Variants in SLC38A7 observed in about 807,000 individuals in gnomAD.
SLC38A7 encodes the protein solute carrier family 38 member 7, also known as sodium-coupled neutral amino acid transporter 7.
In SLC38A7, 29 loss-of-function variants were observed where a neutral mutation model predicts 50.1. That is an observed-to-expected ratio of 0.58 (90% CI 0.43 to 0.79). The LOEUF is 0.79. Ranked by LOEUF, SLC38A7 falls within the 30% of genes least tolerant of loss-of-function variation. The pLI, the probability that SLC38A7 is intolerant of heterozygous loss-of-function variation, is 0.00. For synonymous variants in SLC38A7, 244 were observed against 245.9 expected (o/e 0.99, Z 0.07); for missense variants, 483 against 610.6 (o/e 0.79, Z 2.20).
chr16:58,682,780 C>T (rs1048387950), intron 2 of SLC38A7, among the ~76,000 whole-genome samples: 1 of 151,694 alleles, frequency 6.6e-6, no homozygotes, highest in South Asian at 2.1e-4. Flanking sequence ...TACAGGTGCC[C>T]GCCACCATGC....
At chr16:58,674,196 T>C (rs1197712049) in intron 8 of SLC38A7, among the ~76,000 whole-genome samples, 2 of 152,180 alleles carry the variant, frequency 1.3e-5, no homozygotes, top group African/African-American at 4.8e-5. Flanking sequence ...CTTGAACTCC[T>C]GGCCTCAAGC....
intron 11 of SLC38A7, among the ~76,000 whole-genome samples, chr16:58,669,243 G>C (rs567249299): frequency 7.1e-4 from 106 of 150,168 alleles, no homozygotes; most frequent in Non-Finnish European, 1.3e-3. Flanking sequence ...AGTCTCCCAA[G>C]TAGCTGGGAT....
rs781776707 is a variant in SLC38A7, at chr16:58,678,688, A to G, written c.469+8T>C. The G allele has an allele frequency of 6.2e-7, 1 of 1,613,376 alleles. No homozygotes were observed. The highest frequency in any genetic ancestry group is 1.1e-5 in the South Asian group (1 of 90,990). Reference sequence around the variant, plus strand: ...AGAGATGGGGTAGGGACTGAGGGAGAAGCTCACTCTTGTCCTGCTGGTCGC... The same window carrying G: ...AGAGATGGGGTAGGGACTGAGGGAGGAGCTCACTCTTGTCCTGCTGGTCGC... On this transcript the variant is annotated splice_region_variant and intron_variant, in intron 4 of 11. Coordinates refer to ENST00000219320, the MANE Select transcript of SLC38A7 (RefSeq NM_018231.3). This position sits in a 1 kb window ranked among gnomAD's most constrained non-coding sequence, Gnocchi z 4.0.
Position 58,678,673 on chromosome 16 carries a change from T to G in SLC38A7, c.469+23A>C, listed in dbSNP as rs747478775. 1 of 1,611,874 alleles carries G rather than the reference T, an allele frequency of 6.2e-7. No individual in the cohort carries two copies. Among genetic ancestry groups the G allele is most frequent in the Non-Finnish European group, 8.5e-7 (1 of 1,179,038 alleles). On this transcript the variant is annotated intron_variant, in intron 4 of 11. Coordinates refer to ENST00000219320, the MANE Select transcript of SLC38A7 (RefSeq NM_018231.3). The surrounding 1 kb of genome is among the most constrained non-coding windows in gnomAD (Gnocchi z 4.0). ...CTGGGGCTGATAAGAAGAGATGGGG[T>G]AGGGACTGAGGGAGAAGCTCACTCT...
rs763994659 is a variant in SLC38A7, at chr16:58,677,472, T to C, written c.612-48A>G. ...TGTCCTCATCCCCAGCTGCCTCTTA[T>C]CTGATTCCACCCCTAGGGACATCCA... is the stretch of plus-strand genomic sequence containing the variant. On this transcript the variant is annotated intron_variant, in intron 5 of 11. Transcript: ENST00000219320. 3.9e-6 allele frequency: 6 copies of C among 1,546,002 alleles called. No homozygotes were observed. The South Asian group carries it at 6.7e-5, about 17-fold the overall frequency.
chr16:58,673,083 A>ATTTTTTTTTT (rs34081609), intron 8 of SLC38A7, among the ~76,000 whole-genome samples: 6 of 60,392 alleles, frequency 9.9e-5, no homozygotes, highest in African/African-American at 5.6e-4. Flanking sequence ...TGCCCGGCTA[A>ATTTTTTTTTT]TTTTTTTTTT....
chr16:58,673,238 A>G (rs1408617101), intron 8 of SLC38A7, among the ~76,000 whole-genome samples: 2 of 137,698 alleles, frequency 1.5e-5, no homozygotes, highest in Non-Finnish European at 3.1e-5. Flanking sequence ...CACCTGGCTA[A>G]TTTTTTTTTT....
chr16:58,671,913 C>T (rs888318958), intron 9 of SLC38A7, 183 bp downstream of exon 9: 11 of 613,830 alleles, frequency 1.8e-5, no homozygotes, highest in African/African-American at 3.8e-5. Context: ...TCTGGTGACC[C>T]CAGGACAAAG....
intron 3 of SLC38A7, 109 bp downstream of exon 3, chr16:58,679,748 G>A (rs1455381628): frequency 7.1e-7 from 1 of 1,410,356 alleles, no homozygotes; most frequent in South Asian, 1.2e-5. Flanking sequence ...GTGAGGGAGG[G>A]GAGAGCAGTG....
At chr16:58,667,809 A>G (rs2044071392) in intron 11 of SLC38A7, among the ~76,000 whole-genome samples, 1 of 152,210 alleles carries the variant, frequency 6.6e-6, no homozygotes, top group Admixed American at 6.5e-5. Context: ...AAAAGGAAAC[A>G]AAAAGCAGAC....
chr16:58,681,110 C>T (rs138319604), intron 2 of SLC38A7, among the ~76,000 whole-genome samples: 2 of 152,306 alleles, frequency 1.3e-5, no homozygotes, highest in African/African-American at 2.4e-5. Flanking sequence ...CTGTTTGTCA[C>T]TATAAACCAC....
In SLC38A7 at chr16:58,672,213, G is replaced by A. The variant is rs763717219; in HGVS notation, c.914C>T (p.Ala305Val). 4 of 1,582,658 alleles carry A rather than the reference G, an allele frequency of 2.5e-6. No individual in the cohort carries two copies. Among genetic ancestry groups the A allele is most frequent in the South Asian group, 1.2e-5 (1 of 86,326 alleles). Residue 305 changes from alanine to valine, a missense_variant, in exon 9 of 12, where the codon GCT becomes GTT. Physicochemically the swap from Ala to Val is moderately conservative, Grantham distance 64 (BLOSUM62 0). Transcript: ENST00000219320. ...GGACAGGAGCACGTCAGGATCCACA[G>A]CAGCTCCAAAGGTCAGGAAGCCACA... ...GICGFLTFGA[A>V]VDPDVLLSYP...
chr16:58,671,866 G>A, intron 9 of SLC38A7: 1 of 432,406 alleles, frequency 2.3e-6, no homozygotes, highest in Non-Finnish European at 4.0e-6. Context: ...ACCGTGCCAT[G>A]CCATGGATAG....
Position 58,667,229 on chromosome 16 carries a change from G to A in SLC38A7, c.*156C>T, listed in dbSNP as rs954608223. On this transcript the variant is annotated 3_prime_UTR_variant, in exon 12 of 12. Coordinates refer to ENST00000219320, the MANE Select transcript of SLC38A7 (RefSeq NM_018231.3). ...GGGGACTGGATTTGAGCTGTCCAGA[G>A]GTGTGGGGCCTGAGTTTGCCCCAGT... is the stretch of plus-strand genomic sequence containing the variant. 1 of 718,792 alleles carries A rather than the reference G, an allele frequency of 1.4e-6. No individual in the cohort carries two copies. Among genetic ancestry groups the A allele is most frequent in the South Asian group, 1.7e-5 (1 of 58,034 alleles). The allele number at this position is 718,792 out of a possible 1,614,324, so 44.5% of individuals were successfully genotyped here.
intron 6 of SLC38A7, among the ~76,000 whole-genome samples, 198 bp from the exon 7 acceptor site, chr16:58,676,544 G>A (rs1250636615): frequency 6.6e-6 from 1 of 152,242 alleles, no homozygotes; most frequent in African/African-American, 2.4e-5. Context: ...TGGAGGTTCA[G>A]AAAAGCCCCC....
At chr16:58,674,500 C>A (rs1248743726) in intron 8 of SLC38A7, among the ~76,000 whole-genome samples, 1 of 152,040 alleles carries the variant, frequency 6.6e-6, no homozygotes, top group Non-Finnish European at 1.5e-5. Flanking sequence ...CTGTCTTGAA[C>A]TCCTGGGCTC....
Position 58,679,943 on chromosome 16 carries a change from T to C in SLC38A7, c.184A>G (p.Asn62Asp). The change falls in exon 3 of 12, where the codon AAC (asparagine) becomes GAC (aspartate). Residue 62 changes from asparagine to aspartate, a missense_variant. Asn to Asp is a conservative substitution (Grantham distance 23). Coordinates refer to ENST00000219320, the MANE Select transcript of SLC38A7 (RefSeq NM_018231.3). Reference protein sequence around the residue: ...STLGAIFIVVNACLGAGLLNF... With the variant: ...STLGAIFIVVDACLGAGLLNF... ...AGTAACCCTGCACCCAGGCACGCGT[T>C]GACGACGATGAAGATGGCCCCAAGT... 1 of 1,611,890 alleles carries C rather than the reference T, an allele frequency of 6.2e-7. No homozygotes were observed. Among genetic ancestry groups the C allele is most frequent in the Non-Finnish European group, 8.5e-7 (1 of 1,178,562 alleles).
At position 58,677,312 on chromosome 16, in the gene SLC38A7, G is replaced by A. The variant is rs373495563; in HGVS notation, c.710+14C>T. ...TGGCTTCTTCCCCATGTCTCCTAGGGCCCTCACCCTCACCTGGTCAGGATG... is the reference window on the plus strand; with the variant it reads ...TGGCTTCTTCCCCATGTCTCCTAGGACCCTCACCCTCACCTGGTCAGGATG... On this transcript the variant is annotated intron_variant, in intron 6 of 11. Coordinates refer to ENST00000219320, the MANE Select transcript of SLC38A7 (RefSeq NM_018231.3). The A allele has an allele frequency of 5.6e-6, 9 of 1,610,468 alleles. No individual in the cohort carries two copies. Among genetic ancestry groups the A allele is most frequent in the African/African-American group, 5.3e-5 (4 of 74,824 alleles).
Position 58,671,221 on chromosome 16 carries a change from A to G in SLC38A7, c.1055T>C (p.Leu352Pro). 2 of 1,613,802 alleles carry G rather than the reference A, an allele frequency of 1.2e-6. No individual in the cohort carries two copies. The highest frequency in any genetic ancestry group is 1.7e-6 in the Non-Finnish European group (2 of 1,179,826). The change falls in exon 10 of 12, where the codon CTG becomes CCG. Residue 352 changes from leucine to proline, a missense_variant. Physicochemically the swap from Leu to Pro is moderately conservative, Grantham distance 98. Coordinates refer to ENST00000219320, the MANE Select transcript of SLC38A7 (RefSeq NM_018231.3). ...CTCCACTGGCACCCCCTGGTAGCGCAGCCACAGGCCTTCCACCACCGCCCT... is the reference window on the plus strand; with the variant it reads ...CTCCACTGGCACCCCCTGGTAGCGCGGCCACAGGCCTTCCACCACCGCCCT... ...CGRAVVEGLW[L>P]RYQGVPVEED...
Sources: allele counts gnomAD v4.1 joint callset (sites outside exome capture counted in the v4.1 genomes callset), GRCh38; gene constraint gnomAD v4.1.1; non-coding constraint Gnocchi (gnomAD v3.1); transcripts MANE v1.5; gene names NCBI Gene and HGNC (gene_info 2026-07-23, HGNC 2026-07-21).